The following KIAA1217 variants were observed in gnomAD, a reference collection of about 807,000 sequenced individuals.
The protein encoded by KIAA1217 is sickle tail protein homolog.
In KIAA1217, 88 loss-of-function variants were observed where a neutral mutation model predicts 163.9. The observed-to-expected ratio is 0.54, with a 90% CI of 0.45 to 0.64. The LOEUF (loss-of-function observed/expected upper bound fraction) is 0.64. Ranked by LOEUF, KIAA1217 falls within the 30% of genes least tolerant of loss-of-function variation. KIAA1217 has a pLI of 0.00. For missense variants in KIAA1217, 2,372 were observed against 2,475.0 expected (o/e 0.96, Z 0.88); for synonymous variants, 903 against 923.1 (o/e 0.98, Z 0.39).
At chr10:24,500,451 C>T (rs2133940575) in intron 8 of KIAA1217, among the ~76,000 whole-genome samples, 1 of 152,018 alleles carries the variant, frequency 6.6e-6, no homozygotes, top group South Asian at 2.1e-4. Context: ...CCAGCCTCTA[C>T]TCCAGGTACC....
intron 3 of KIAA1217, among the ~76,000 whole-genome samples, chr10:24,404,583 A>C (rs1319446249): frequency 2.0e-5 from 3 of 151,208 alleles, no homozygotes; most frequent in African/African-American, 7.3e-5. Flanking sequence ...AAAAAAAAAA[A>C]AAAAAAAAAA....
At chr10:23,770,595 T>C (rs1217891577) in intron 1 of KIAA1217, among the ~76,000 whole-genome samples, 1 of 152,172 alleles carries the variant, frequency 6.6e-6, no homozygotes, top group Non-Finnish European at 1.5e-5. Context: ...AGTGATTATA[T>C]TGTAGCATCA....
chr10:23,717,178 C>T (rs531267782), intron 1 of KIAA1217, among the ~76,000 whole-genome samples: 5 of 152,130 alleles, frequency 3.3e-5, no homozygotes, highest in Non-Finnish European at 5.9e-5. Flanking sequence ...TCTAGGTTTC[C>T]GTGAACTTAA....
chr10:23,929,280 A>G (rs1455665741), intron 1 of KIAA1217, among the ~76,000 whole-genome samples: 1 of 152,226 alleles, frequency 6.6e-6, no homozygotes, highest in East Asian at 1.9e-4. Flanking sequence ...GAAAGAAAAA[A>G]ATATGAACTC....
At chr10:24,263,387 G>T (rs886786859) in intron 2 of KIAA1217, among the ~76,000 whole-genome samples, 4 of 152,192 alleles carry the variant, frequency 2.6e-5, no homozygotes, top group African/African-American at 4.8e-5. Context: ...TCATTCCCTT[G>T]TGTTTAGCTC....
At chr10:23,967,954 T>C (rs995961362) in intron 1 of KIAA1217, among the ~76,000 whole-genome samples, 4 of 150,382 alleles carry the variant, frequency 2.7e-5, no homozygotes, top group African/African-American at 9.8e-5. Flanking sequence ...ACATGCCTTT[T>C]TTAAAATTTT....
rs74447730 is a variant in KIAA1217, at chr10:24,143,714, T to C, written c.-170-75912T>C. On this transcript the variant is annotated intron_variant, in intron 2 of 18. Coordinates refer to the KIAA1217 transcript ENST00000376462. ...AGTCTCACGGAGAACCAGGGTGTGA[T>C]TGGTTTTACTGGTCACCACTGAGAC... 2.1e-3 allele frequency among the ~76,000 whole-genome samples: 319 copies of C among 152,096 alleles called. 9 individuals are homozygous for C. The East Asian group carries it at 0.054, about 26-fold the overall frequency.
Position 24,546,245 on chromosome 10 carries a change from C to T in KIAA1217, c.5753C>T (p.Thr1918Ile). Residue 1918 changes from threonine (T) to isoleucine (I), a missense_variant, in exon 21 of 21, where the codon ACT (threonine) becomes ATT (isoleucine). Around this residue, in one of 3 missense-constraint regions of KIAA1217, gnomAD observed 690 missense variants for 677.5 expected, o/e 1.02. Coordinates refer to ENST00000376454, the MANE Select transcript of KIAA1217 (RefSeq NM_019590.5). ...QGAKGTRTIHTPSLTSYKAQN... is the reference protein window; with the variant it reads ...QGAKGTRTIHIPSLTSYKAQN... ...GCCAAGGGCACCAGGACCATCCATA[C>T]TCCCAGCCTCACCAGCTACAAGGCA... 1 of 1,614,234 alleles carries T rather than the reference C, an allele frequency of 6.2e-7. No homozygotes were observed. The highest frequency in any genetic ancestry group is 8.5e-7 in the Non-Finnish European group (1 of 1,180,046).
intron 2 of KIAA1217, among the ~76,000 whole-genome samples, chr10:24,132,893 C>T (rs542792963): frequency 5.9e-5 from 9 of 152,210 alleles, no homozygotes; most frequent in African/African-American, 2.2e-4. Context: ...CCTCCTGGAG[C>T]TGGAAGAGGG....
chr10:24,483,821 G>T (rs76167824), intron 6 of KIAA1217, among the ~76,000 whole-genome samples: 1,785 of 152,252 alleles, frequency 0.012, 30 homozygotes, highest in African/African-American at 0.038. Flanking sequence ...TTAGCCTCAG[G>T]GAAGAGAAAG....
At chr10:24,070,188 G>A (rs1207516287) in intron 2 of KIAA1217, among the ~76,000 whole-genome samples, 3 of 151,940 alleles carry the variant, frequency 2.0e-5, no homozygotes, top group African/African-American at 4.8e-5. Flanking sequence ...AGAGTGAGAG[G>A]TCCAACAGAG....
chr10:24,107,633 T>C (rs184039970), intron 2 of KIAA1217, among the ~76,000 whole-genome samples: 40 of 152,336 alleles, frequency 2.6e-4, no homozygotes, highest in Admixed American at 2.3e-3. Context: ...CTCTAATGAT[T>C]AGTGATTTTG....
At chr10:23,928,766 A>G (rs1262689254) in intron 1 of KIAA1217, among the ~76,000 whole-genome samples, 1 of 152,252 alleles carries the variant, frequency 6.6e-6, no homozygotes, top group Non-Finnish European at 1.5e-5. Flanking sequence ...AAGGGTTCAC[A>G]TAAGTAGTAA....
chr10:23,913,740 G>A (rs151180795), intron 1 of KIAA1217, among the ~76,000 whole-genome samples: 124 of 152,196 alleles, frequency 8.1e-4, no homozygotes, highest in African/African-American at 2.8e-3. Flanking sequence ...TCTCCACATA[G>A]ACTAATAAAA....
chr10:24,387,975 C>T (rs1273094341), intron 3 of KIAA1217, among the ~76,000 whole-genome samples: 7 of 152,294 alleles, frequency 4.6e-5, no homozygotes, highest in Admixed American at 2.0e-4. Flanking sequence ...AATGGCCATA[C>T]TGCCCAAGGT....
At chr10:24,512,689 T>C (rs1029225432) in intron 9 of KIAA1217, among the ~76,000 whole-genome samples, 1 of 152,220 alleles carries the variant, frequency 6.6e-6, no homozygotes, top group African/African-American at 2.4e-5. Flanking sequence ...CATGGAACCA[T>C]GTGAACGAAA....
At chr10:23,984,699 G>A (rs1845901105) in intron 1 of KIAA1217, among the ~76,000 whole-genome samples, 1 of 151,956 alleles carries the variant, frequency 6.6e-6, no homozygotes, top group Non-Finnish European at 1.5e-5. Flanking sequence ...ACTCATAAGT[G>A]GGAGTTGAAC....
At chr10:23,851,232 CA>C (rs1398441546) in intron 1 of KIAA1217, among the ~76,000 whole-genome samples, 1 of 152,028 alleles carries the variant, frequency 6.6e-6, no homozygotes, top group Admixed American at 6.6e-5. Context: ...TCTCATTGTT[CA>C]ATTCCCACCT....
intron 1 of KIAA1217, among the ~76,000 whole-genome samples, chr10:23,925,534 C>G (rs1842988023): frequency 6.6e-6 from 1 of 152,214 alleles, no homozygotes; most frequent in Non-Finnish European, 1.5e-5. Context: ...AATACATTTC[C>G]AAGCTTTTGA....
Sources: gnomAD v4.1 joint callset for allele counts (sites outside exome capture counted in the v4.1 genomes callset) on GRCh38, gnomAD v4.1.1 for gene constraint, gnomAD v4.1.1 regional missense constraint, MANE v1.5 for transcripts, NCBI Gene and HGNC (gene_info 2026-07-23, HGNC 2026-07-21) for gene names.